Variants in FMN2 observed in about 807,000 individuals in gnomAD.
The protein encoded by FMN2 is formin-2.
Under a neutral mutation model 142.3 loss-of-function variants are expected in FMN2, and 51 were observed. The ratio of observed to expected loss-of-function variants is 0.36; its 90% CI spans 0.29 to 0.45. The LOEUF is 0.45. Ranked by LOEUF, FMN2 falls within the 20% of genes least tolerant of loss-of-function variation. The pLI is 1.00. For synonymous variants in FMN2, 882 were observed against 869.8 expected, an observed-to-expected ratio of 1.01 and a Z score of -0.25; for missense variants, 1,936 against 2,122.8, an observed-to-expected ratio of 0.91 and a Z score of 1.73.
intron 2 of FMN2, among the ~76,000 whole-genome samples, chr1:240,133,573 A>G (rs562641969): frequency 6.6e-6 from 1 of 152,160 alleles, no homozygotes; most frequent in East Asian, 1.9e-4. Flanking sequence ...ACCTCTCCTG[A>G]CCCACTTTCC....
chr1:240,114,178 T>C (rs1489246743), intron 1 of FMN2, among the ~76,000 whole-genome samples: 1 of 152,190 alleles, frequency 6.6e-6, no homozygotes, highest in African/African-American at 2.4e-5. Context: ...GCTCCAGACA[T>C]CATGTTATTT....
At chr1:240,138,064 CAA>C (rs369637580) in intron 2 of FMN2, among the ~76,000 whole-genome samples, 6 of 95,586 alleles carry the variant, frequency 6.3e-5, no homozygotes, top group Non-Finnish European at 1.1e-4. Context: ...GACTCCATCT[CAA>C]AAAAAAAAAA....
intron 8 of FMN2, among the ~76,000 whole-genome samples, chr1:240,309,289 C>T (rs2102984724): frequency 6.6e-6 from 1 of 152,206 alleles, no homozygotes. Context: ...TTGCCTGGGC[C>T]ATAGCTGGTC....
chr1:240,405,543 G>A (rs1282066012), intron 15 of FMN2, among the ~76,000 whole-genome samples: 1 of 152,060 alleles, frequency 6.6e-6, no homozygotes, highest in Non-Finnish European at 1.5e-5. Flanking sequence ...GCTTGAACCC[G>A]GGAGGCGGAT....
chr1:240,292,583 G>T (rs1229617307), intron 7 of FMN2, among the ~76,000 whole-genome samples: 2 of 152,084 alleles, frequency 1.3e-5, no homozygotes, highest in Non-Finnish European at 1.5e-5. Context: ...TTATTTCCTT[G>T]ATTTTAGAAT....
intron 2 of FMN2, among the ~76,000 whole-genome samples, chr1:240,158,979 G>C (rs1664149259): frequency 6.6e-6 from 1 of 152,056 alleles, no homozygotes; most frequent in Non-Finnish European, 1.5e-5. Flanking sequence ...GAAGATTTGA[G>C]AAAAGTTATA....
chr1:240,172,424 A>ATT (rs995151871), intron 2 of FMN2, among the ~76,000 whole-genome samples: 1 of 152,288 alleles, frequency 6.6e-6, no homozygotes, highest in South Asian at 2.1e-4. Flanking sequence ...TCTGAAAAGG[A>ATT]TTTTTTTAAA....
Position 240,207,263 on chromosome 1 carries a change from G to A in FMN2, c.2451G>A (p.Leu817=), listed in dbSNP as rs1488461166. The change falls in exon 5 of 18, where the codon CTG becomes CTA. Residue 817 remains leucine, a synonymous_variant. Coordinates refer to ENST00000319653, the MANE Select transcript of FMN2 (RefSeq NM_020066.5). ...ISQPPPPPSL[L]WSAGQGQPGS... ...AGCCTCCACCACCTCCATCCCTTCTGTGGTCTGCTGGGCAAGGACAGCCTG... is the reference window on the plus strand; with the variant it reads ...AGCCTCCACCACCTCCATCCCTTCTATGGTCTGCTGGGCAAGGACAGCCTG... 1 of 1,613,972 alleles carries A rather than the reference G, an allele frequency of 6.2e-7. No homozygotes were observed.
At chr1:240,452,504 C>G (rs1434826864) in intron 16 of FMN2, among the ~76,000 whole-genome samples, 1 of 151,816 alleles carries the variant, frequency 6.6e-6, no homozygotes, top group East Asian at 1.9e-4. Flanking sequence ...AAAGTGTATT[C>G]CTAGATCTTA....
chr1:240,343,621 T>A (rs72766301), intron 13 of FMN2, among the ~76,000 whole-genome samples: 21,117 of 152,194 alleles, frequency 0.14, 1,615 homozygotes, highest in African/African-American at 0.19. Flanking sequence ...AGTTAGGTAG[T>A]ACCATGAGAA....
In FMN2 at chr1:240,131,632, C is replaced by T. The variant is rs571426085; in HGVS notation, c.1782+8287C>T. Among the ~76,000 whole-genome samples, 10 of 152,142 alleles carry T rather than the reference C, an allele frequency of 6.6e-5. 1 individual carries two copies. The South Asian group carries it at 2.1e-3, about 32-fold the overall frequency. On this transcript the variant is annotated intron_variant, in intron 2 of 17. Coordinates refer to ENST00000319653, the MANE Select transcript of FMN2 (RefSeq NM_020066.5). ...ACTGAGGCATGAGAATCGCTTGAACCCAGGAGGCGGAGGTTGCAGTGAGCC... is the reference window on the plus strand; with the variant it reads ...ACTGAGGCATGAGAATCGCTTGAACTCAGGAGGCGGAGGTTGCAGTGAGCC...
In FMN2 at chr1:240,450,837, C is replaced by A. The variant is rs565118052; in HGVS notation, c.5060+12627C>A. Among the ~76,000 whole-genome samples the A allele has an allele frequency of 2.8e-4, 42 of 152,184 alleles. 1 individual carries two copies. The highest frequency in any genetic ancestry group is 6.0e-4 in the Non-Finnish European group (41 of 68,044). ...AGAGGGAGGGTCATCCTGAAAGATGCCACTTCTGCCTTTACAGAAAGGGCA... is the reference window on the plus strand; with the variant it reads ...AGAGGGAGGGTCATCCTGAAAGATGACACTTCTGCCTTTACAGAAAGGGCA... On this transcript the variant is annotated intron_variant, in intron 16 of 17. Coordinates refer to ENST00000319653, the MANE Select transcript of FMN2 (RefSeq NM_020066.5).
chr1:240,295,233 C>A (rs1377205483), intron 8 of FMN2, among the ~76,000 whole-genome samples: 2 of 151,440 alleles, frequency 1.3e-5, no homozygotes, highest in African/African-American at 4.9e-5. Context: ...CACTCACACA[C>A]ACTTAAAATT....
At chr1:240,122,078 T>TCA (rs10641196) in intron 1 of FMN2, among the ~76,000 whole-genome samples, 3 of 150,076 alleles carry the variant, frequency 2.0e-5, no homozygotes, top group African/African-American at 7.4e-5. Flanking sequence ...ATTAATTAAT[T>TCA]TATTTATTTA....
At chr1:240,324,118 T>C (rs1039632000) in intron 8 of FMN2, among the ~76,000 whole-genome samples, 7 of 152,150 alleles carry the variant, frequency 4.6e-5, no homozygotes, top group Admixed American at 4.6e-4. Flanking sequence ...TGAGTTGTGG[T>C]CCGCGAGTGA....
intron 4 of FMN2, among the ~76,000 whole-genome samples, chr1:240,202,375 C>T (rs1399786821): frequency 6.6e-6 from 1 of 152,162 alleles, no homozygotes; most frequent in Non-Finnish European, 1.5e-5. Flanking sequence ...TCTGTTACCA[C>T]TAACTTGGGT....
chr1:240,204,603 T>C (rs1274824769), intron 4 of FMN2, among the ~76,000 whole-genome samples: 1 of 152,132 alleles, frequency 6.6e-6, no homozygotes, highest in Non-Finnish European at 1.5e-5. Flanking sequence ...ATACAAAAAT[T>C]AGCCGGGCGT....
intron 8 of FMN2, among the ~76,000 whole-genome samples, chr1:240,305,227 A>G (rs988367018): frequency 2.0e-5 from 3 of 152,170 alleles, no homozygotes; most frequent in African/African-American, 7.2e-5. Flanking sequence ...GGCACATTGG[A>G]TAATTTTGTA....
chr1:240,328,962 A>G, intron 8 of FMN2, 114 bp from the exon 9 acceptor site: 2 of 863,460 alleles, frequency 2.3e-6, no homozygotes, highest in South Asian at 3.5e-5. Flanking sequence ...AAACATGAAA[A>G]TATATAGCGT....
Sources: gnomAD v4.1 joint callset for allele counts (sites outside exome capture counted in the v4.1 genomes callset) on GRCh38, gnomAD v4.1.1 for gene constraint, MANE v1.5 for transcripts, NCBI Gene and HGNC (gene_info 2026-07-23, HGNC 2026-07-21) for gene names.